The following NR2C2 variants were observed in gnomAD, a reference collection of about 807,000 sequenced individuals.
NR2C2 encodes the protein Nuclear hormone receptor TR4.
In NR2C2, 6 loss-of-function variants were observed where a neutral mutation model predicts 62.9. That is an observed-to-expected ratio of 0.10 (90% confidence interval 0.05 to 0.19). The LOEUF is 0.19. Among genes scored for constraint, NR2C2 ranks in the 10% least tolerant of loss-of-function variants. The pLI, the probability that NR2C2 is intolerant of heterozygous loss-of-function variation, is 1.00. For missense variants in NR2C2, 479 were observed against 762.7 expected, an observed-to-expected ratio of 0.63 and a Z score of 4.38; for synonymous variants, 272 against 273.8, an observed-to-expected ratio of 0.99 and a Z score of 0.07.
chr3:14,986,139 A>G lies in NR2C2; in HGVS notation c.-39-17737A>G, dbSNP rs561215745. ...ATTTTTTTAAAGACCCTTTTACTGT[A>G]CCAAGGTGATACTCATAGAAAATAA... On this transcript the variant is annotated intron_variant, in intron 1 of 13. Coordinates refer to ENST00000425241, the MANE Select transcript of NR2C2 (RefSeq NM_001291694.2). 2.4e-4 allele frequency among the ~76,000 whole-genome samples: 37 copies of G among 152,210 alleles called. No homozygotes were observed. The South Asian group carries it at 3.9e-3, about 16-fold the overall frequency.
At chr3:14,998,466 A>T (rs139935075) in intron 1 of NR2C2, among the ~76,000 whole-genome samples, 1 of 152,308 alleles carries the variant, frequency 6.6e-6, no homozygotes, top group African/African-American at 2.4e-5. Context: ...ATCCTAGTGG[A>T]TATGAAGTGG....
chr3:14,977,596 T>C (rs1410663052), intron 1 of NR2C2, among the ~76,000 whole-genome samples: 1 of 152,212 alleles, frequency 6.6e-6, no homozygotes, highest in African/African-American at 2.4e-5. Flanking sequence ...AATTCATTTT[T>C]GTTTCTTTTA....
At chr3:15,013,176 G>GA (rs1206419237) in intron 2 of NR2C2, among the ~76,000 whole-genome samples, 1 of 152,190 alleles carries the variant, frequency 6.6e-6, no homozygotes, top group East Asian at 1.9e-4. Context: ...GGACCTTTTA[G>GA]AAAGAGGCTG....
intron 4 of NR2C2, among the ~76,000 whole-genome samples, chr3:15,018,606 A>G (rs1225288097): frequency 1.3e-5 from 2 of 152,126 alleles, no homozygotes; most frequent in African/African-American, 4.8e-5. Flanking sequence ...GCTCATGCCT[A>G]TAATCCCAGC....
rs558587295 is a variant in NR2C2, at chr3:14,965,635, TTGC to T, written c.-40+17732_-40+17734del. Among the ~76,000 whole-genome samples, 861 of 134,156 alleles carry T rather than the reference TTGC, an allele frequency of 6.4e-3. 9 individuals are homozygous for T. Among genetic ancestry groups the T allele is most frequent in the African/African-American group, 0.025 (816 of 32,906 alleles). The allele number at this position is 134,156 out of a possible 152,430, so 88.0% of individuals were successfully genotyped here. ...TGTTTAAAATATTTCCTAGATTTCC[TTGC>T]TGTTTTTTTTGTTTGTTTGTTTTTG... On this transcript the variant is annotated intron_variant, in intron 1 of 13. Transcript: ENST00000425241.
intron 2 of NR2C2, among the ~76,000 whole-genome samples, chr3:15,004,399 G>A (rs564641075): frequency 1.4e-4 from 21 of 152,254 alleles, no homozygotes; most frequent in Admixed American, 9.8e-4. Context: ...TTTGCCTCAC[G>A]AAGTTATTAT....
At chr3:15,029,921 A>G (rs1295762044) in intron 8 of NR2C2, among the ~76,000 whole-genome samples, 1 of 152,000 alleles carries the variant, frequency 6.6e-6, no homozygotes, top group Admixed American at 6.6e-5. Flanking sequence ...AAGGAAGGAA[A>G]GAGAGAAAAG....
intron 1 of NR2C2, among the ~76,000 whole-genome samples, chr3:14,970,151 C>G (rs1039852719): frequency 1.3e-5 from 2 of 150,750 alleles, no homozygotes; most frequent in African/African-American, 4.9e-5. Context: ...ATCACCAAGC[C>G]TCCTCTAAAT....
At chr3:14,986,841 G>A (rs2040527079) in intron 1 of NR2C2, among the ~76,000 whole-genome samples, 1 of 152,218 alleles carries the variant, frequency 6.6e-6, no homozygotes, top group Non-Finnish European at 1.5e-5. Context: ...ATTGTTAATA[G>A]GAGTGCCACC....
Position 15,043,107 on chromosome 3 carries a change from A to AT in NR2C2, c.*100dup. The AT allele has an allele frequency of 2.6e-6, 3 of 1,147,364 alleles. No individual in the cohort carries two copies. 71.1% of individuals were successfully genotyped at this position (1,147,364 alleles called of 1,614,324 possible). A position where few individuals can be genotyped will look rare whatever the true frequency, so the allele number is the denominator to read the frequency against. On this transcript the variant is annotated 3_prime_UTR_variant, in exon 14 of 14. Coordinates refer to ENST00000425241, the MANE Select transcript of NR2C2 (RefSeq NM_001291694.2). Reference sequence around the variant, plus strand: ...TTTTGGTATGTGCAAATATTTCCATATGTTAGCCATTTCCTGTCTGGTTTC... The same window carrying AT: ...TTTTGGTATGTGCAAATATTTCCATATTGTTAGCCATTTCCTGTCTGGTTTC...
At chr3:15,022,455 T>G (rs1299621992) in intron 5 of NR2C2, among the ~76,000 whole-genome samples, 1 of 140,510 alleles carries the variant, frequency 7.1e-6, no homozygotes, top group Non-Finnish European at 1.5e-5. Context: ...CAGGTTGGAG[T>G]GCAGTGGTGC....
At chr3:15,035,784 T>A (rs1203010787) in intron 11 of NR2C2, among the ~76,000 whole-genome samples, 1 of 152,248 alleles carries the variant, frequency 6.6e-6, no homozygotes, top group Non-Finnish European at 1.5e-5. Context: ...CCCAGCACTT[T>A]GGGAGGCCAA....
chr3:14,999,887 T>A (rs1484397583), intron 1 of NR2C2, among the ~76,000 whole-genome samples: 2 of 152,188 alleles, frequency 1.3e-5, no homozygotes, highest in African/African-American at 4.8e-5. Flanking sequence ...GTACTGCAAT[T>A]TTTTTAAGTT....
intron 9 of NR2C2, among the ~76,000 whole-genome samples, chr3:15,032,170 G>A (rs1425607232): frequency 1.3e-5 from 2 of 152,124 alleles, no homozygotes; most frequent in Non-Finnish European, 2.9e-5. Context: ...TAGGCTTATG[G>A]ACCACATTCC....
chr3:15,032,635 TTAAATA>T (rs2042009903), intron 10 of NR2C2, 135 bp downstream of exon 10: 1 of 1,005,314 alleles, frequency 9.9e-7, no homozygotes, highest in African/African-American at 1.6e-5. Context: ...GAGTTTTTTA[TTAAATA>T]TAGTTAGTGG....
chr3:15,037,129 C>G (rs1242876480), intron 11 of NR2C2, among the ~76,000 whole-genome samples: 2 of 151,776 alleles, frequency 1.3e-5, no homozygotes, highest in African/African-American at 4.8e-5. Context: ...AAAAAAAACC[C>G]CTTACAACAT....
intron 2 of NR2C2, among the ~76,000 whole-genome samples, chr3:15,009,032 C>T (rs1445159711): frequency 6.6e-6 from 1 of 151,998 alleles, no homozygotes; most frequent in Non-Finnish European, 1.5e-5. Context: ...ACCAGCCTGA[C>T]CAACATGGAG....
intron 7 of NR2C2, chr3:15,026,365 C>T (rs2041822371): frequency 6.6e-6 from 1 of 152,096 alleles, no homozygotes; most frequent in East Asian, 1.9e-4. Flanking sequence ...ATAAAACTCA[C>T]CCTTTTAGTG....
At chr3:15,007,563 C>T (rs548120750) in intron 2 of NR2C2, among the ~76,000 whole-genome samples, 1 of 152,158 alleles carries the variant, frequency 6.6e-6, no homozygotes, top group African/African-American at 2.4e-5. Flanking sequence ...CCAGTCTCTT[C>T]CATTGAACTA....
Sources: allele counts gnomAD v4.1 joint callset (sites outside exome capture counted in the v4.1 genomes callset), GRCh38; gene constraint gnomAD v4.1.1; transcripts MANE v1.5; gene names NCBI Gene and HGNC (gene_info 2026-07-23, HGNC 2026-07-21).